BAHCC1: variants seen among roughly 807,000 people sequenced by gnomAD.
BAHCC1 encodes the protein BAH domain and coiled-coil containing 1, also known as BAH and coiled-coil domain-containing protein 1.
Under a neutral mutation model 88.2 loss-of-function variants are expected in BAHCC1, and 43 were observed. The ratio of observed to expected loss-of-function variants is 0.49; its 90% CI spans 0.38 to 0.63. The LOEUF (loss-of-function observed/expected upper bound fraction) is 0.63. Among genes scored for constraint, BAHCC1 ranks in the 20% least tolerant of loss-of-function variants. The pLI is 0.00. For missense variants in BAHCC1, 3,023 were observed against 1,654.8 expected (o/e 1.83, Z -14.34); for synonymous variants, 1,510 against 745.5 (o/e 2.03, Z -16.71).
At chr17:81,458,525 T>TCCGCGCCCTC (rs1555658108) in intron 18 of BAHCC1, 59 bp downstream of exon 18, 1 of 540,002 alleles carries the variant, frequency 1.9e-6, no homozygotes, top group African/African-American at 2.5e-5. Context: ...GGAAAGGCCT[T>TCCGCGCCCTC]CCCCGCCCTC....
Position 81,438,395 on chromosome 17 carries a change from G to C in BAHCC1, c.384G>C (p.Gly128=), listed in dbSNP as rs2064366117. ...CTCCGGGGTACCCCAGATTTTCGGG[G>C]AGTCTGGCATCCACCTTCCTACCCG... is the stretch of plus-strand genomic sequence containing the variant. ...HEAPGYPRFS[G]SLASTFLPVS... is the part of the protein sequence containing the mutation. The change falls in exon 4 of 28, where the codon GGG becomes GGC. Residue 128 remains glycine (G), a synonymous_variant. Coordinates refer to ENST00000675386, the MANE Select transcript of BAHCC1 (RefSeq NM_001377448.1). The C allele has an allele frequency of 2.6e-6, 2 of 778,752 alleles. No homozygotes were observed. The highest frequency in any genetic ancestry group is 2.4e-6 in the Non-Finnish European group (1 of 417,636). 48.2% of individuals were successfully genotyped at this position (778,752 alleles called of 1,614,324 possible).
rs782259114 is a variant in BAHCC1, at chr17:81,442,458, A to G, written c.1109A>G (p.His370Arg). The G allele has an allele frequency of 3.6e-5, 26 of 714,918 alleles. No individual in the cohort carries two copies. In the East Asian group the frequency reaches 6.6e-4, roughly 18 times the overall value. The allele number at this position is 714,918 out of a possible 1,614,324, so 44.3% of individuals were successfully genotyped here. A position where few individuals can be genotyped will look rare whatever the true frequency, so the allele number is the denominator to read the frequency against. Residue 370 changes from histidine to arginine, a missense_variant, in exon 5 of 28, where the codon CAC (histidine) becomes CGC (arginine). Physicochemically the swap from His to Arg is conservative, Grantham distance 29. Coordinates refer to ENST00000675386, the MANE Select transcript of BAHCC1 (RefSeq NM_001377448.1). ...AAGSFPCLQLHGGPDGLCPLQ... is the reference protein window; with the variant it reads ...AAGSFPCLQLRGGPDGLCPLQ... ...GGCTCCTTCCCCTGCCTGCAGCTGC[A>G]CGGGGGCCCTGACGGGCTCTGCCCG...
At chr17:81,449,642 TC>T (rs35684910) in intron 11 of BAHCC1, among the ~76,000 whole-genome samples, 1 of 151,756 alleles carries the variant, frequency 6.6e-6, no homozygotes, top group Non-Finnish European at 1.5e-5. Context: ...CAGATGTGCC[TC>T]CCCGGCTGCT....
At position 81,445,531 on chromosome 17, in the gene BAHCC1, T is replaced by A; in HGVS notation, c.3013T>A (p.Ser1005Thr). The change falls in exon 10 of 28, where the codon TCC (serine) becomes ACC (threonine). Residue 1005 changes from serine to threonine, a missense_variant. Physicochemically the swap from Ser to Thr is moderately conservative, Grantham distance 58. Coordinates refer to ENST00000675386, the MANE Select transcript of BAHCC1 (RefSeq NM_001377448.1). ...GCCCGACCCAAAGCCCCCCGCCAGC[T>A]CCCCCACCCCACCACCTCGGCCCAG... ...HPPDPKPPAS[S>T]PTPPPRPSAP... 1 of 721,956 alleles carries A rather than the reference T, an allele frequency of 1.4e-6. No individual in the cohort carries two copies. Among genetic ancestry groups the A allele is most frequent in the Non-Finnish European group, 2.6e-6 (1 of 390,650 alleles). The allele number at this position is 721,956 out of a possible 1,614,324, so 44.7% of individuals were successfully genotyped here.
intron 3 of BAHCC1, among the ~76,000 whole-genome samples, chr17:81,437,153 C>T (rs1226913210): frequency 1.3e-5 from 2 of 152,186 alleles, no homozygotes; most frequent in Non-Finnish European, 2.9e-5. Context: ...GGTGAGGGCC[C>T]CCCGCCCTGC....
At chr17:81,428,498 C>A (rs1226336009) in intron 3 of BAHCC1, among the ~76,000 whole-genome samples, 1 of 152,208 alleles carries the variant, frequency 6.6e-6, no homozygotes, top group African/African-American at 2.4e-5. Context: ...CCCCTCCTGG[C>A]AGTGGTGGCC....
At chr17:81,402,144 T>C (rs1344624087) in intron 2 of BAHCC1, 1 of 152,118 alleles carries the variant, frequency 6.6e-6, no homozygotes, top group Non-Finnish European at 1.5e-5. Flanking sequence ...GGCTGCCTCT[T>C]TCAGGGTCTG....
At chr17:81,454,781 C>G (rs1555656820) in intron 14 of BAHCC1, among the ~76,000 whole-genome samples, 1 of 152,132 alleles carries the variant, frequency 6.6e-6, no homozygotes, top group African/African-American at 2.4e-5. Context: ...TTCCAGGTGC[C>G]AAGGCTGGGG....
rs923094779 is a variant in BAHCC1, at chr17:81,444,534, C to G, written c.2478C>G (p.Arg826=). The G allele has an allele frequency of 4.3e-6, 3 of 704,708 alleles. No individual in the cohort carries two copies. The highest frequency in any genetic ancestry group is 4.0e-5 in the Admixed American group (2 of 50,552). The allele number at this position is 704,708 out of a possible 1,614,324, so 43.7% of individuals were successfully genotyped here. ...HPHPPWLPRT[R]SPSLWMGGHS... ...ATCCCCCCTGGCTGCCCCGCACCCG[C>G]AGCCCCTCCCTGTGGATGGGGGGGC... The change falls in exon 7 of 28, where the codon CGC becomes CGG. Residue 826 remains arginine, a synonymous_variant. Coordinates refer to ENST00000675386, the MANE Select transcript of BAHCC1 (RefSeq NM_001377448.1).
intron 14 of BAHCC1, among the ~76,000 whole-genome samples, chr17:81,454,747 A>G (rs2064715421): frequency 6.6e-6 from 1 of 152,016 alleles, no homozygotes; most frequent in Non-Finnish European, 1.5e-5. Context: ...AGACTCAGAC[A>G]GGCACATGTG....
intron 2 of BAHCC1, among the ~76,000 whole-genome samples, chr17:81,410,601 G>A (rs2063937704): frequency 6.6e-6 from 1 of 150,650 alleles, no homozygotes; most frequent in African/African-American, 2.4e-5. Flanking sequence ...AGGCACCACG[G>A]GTCCTGGCAC....
rs1555647853 is a variant in BAHCC1, at chr17:81,411,517, T to TGCC, written c.178+11600_178+11601insGCC. On this transcript the variant is annotated intron_variant, in intron 2 of 27. Transcript: ENST00000675386. This position sits in a 1 kb window ranked among gnomAD's most constrained non-coding sequence, Gnocchi z 6.2. Reference sequence around the variant, plus strand: ...CTGCCTGCCTGCCTGCCTGCCTGCCTTCCTTCCTTCCTTCCTTCCTTCCTT... The same window carrying TGCC: ...CTGCCTGCCTGCCTGCCTGCCTGCCTGCCTCCTTCCTTCCTTCCTTCCTTCCTT... The TGCC allele has an allele frequency of 0.19, 18,526 of 99,476 alleles. 659 individuals carry two copies. The highest frequency in any genetic ancestry group is 0.29 in the South Asian group (3,970 of 13,928). 6.2% of individuals were successfully genotyped at this position (99,476 alleles called of 1,614,324 possible).
intron 16 of BAHCC1, among the ~76,000 whole-genome samples, 167 bp downstream of exon 16, chr17:81,456,752 G>A (rs1464005057): frequency 6.6e-6 from 1 of 152,108 alleles, no homozygotes; most frequent in Non-Finnish European, 1.5e-5. Flanking sequence ...GGAAGGAGAT[G>A]AAGGTCTCAC....
chr17:81,461,117 G>C lies in BAHCC1; in HGVS notation c.6454G>C (p.Gly2152Arg), dbSNP rs200375025. Reference protein sequence around the residue: ...HSVATPIFGNGFRADSFSSLA... With the variant: ...HSVATPIFGNRFRADSFSSLA... Reference sequence around the variant, plus strand: ...CGTGGCCACACCCATATTTGGCAACGGCTTCCGCGCCGACTCCTTCAGCAG... The same window carrying C: ...CGTGGCCACACCCATATTTGGCAACCGCTTCCGCGCCGACTCCTTCAGCAG... The change falls in exon 26 of 28, where the codon GGC (glycine) becomes CGC (arginine). Residue 2152 changes from glycine to arginine, a missense_variant. Coordinates refer to ENST00000675386, the MANE Select transcript of BAHCC1 (RefSeq NM_001377448.1). 1.7e-4 allele frequency: 132 copies of C among 765,184 alleles called. 3 individuals carry two copies. The Middle Eastern group carries it at 3.2e-3, about 18-fold the overall frequency. 47.4% of individuals were successfully genotyped at this position (765,184 alleles called of 1,614,324 possible). A position where few individuals can be genotyped will look rare whatever the true frequency, so the allele number is the denominator to read the frequency against.
intron 2 of BAHCC1, chr17:81,402,116 G>T (rs1196250131): frequency 1.3e-5 from 2 of 152,272 alleles, no homozygotes; most frequent in Non-Finnish European, 2.9e-5. Flanking sequence ...GCTCTAGAGG[G>T]CGCTGGAGGC....
At chr17:81,441,517 C>G (rs970458767) in intron 4 of BAHCC1, among the ~76,000 whole-genome samples, 4 of 151,976 alleles carry the variant, frequency 2.6e-5, no homozygotes, top group African/African-American at 7.3e-5. Context: ...AAAAAGTTAG[C>G]TGGGCCTGGT....
chr17:81,462,848 C>T lies in BAHCC1; in HGVS notation c.7492C>T (p.Pro2498Ser). The T allele has an allele frequency of 1.3e-6, 1 of 781,732 alleles. No individual in the cohort carries two copies. The allele number at this position is 781,732 out of a possible 1,614,324, so 48.4% of individuals were successfully genotyped here. A position where few individuals can be genotyped will look rare whatever the true frequency, so the allele number is the denominator to read the frequency against. The change falls in exon 27 of 28, where the codon CCC becomes TCC. Residue 2498 changes from proline to serine, a missense_variant. Physicochemically the swap from Pro to Ser is moderately conservative, Grantham distance 74 (BLOSUM62 -1). Coordinates refer to ENST00000675386, the MANE Select transcript of BAHCC1 (RefSeq NM_001377448.1). Reference protein sequence around the residue: ...DCAVFLSAGRPNLPYIGRIES... With the variant: ...DCAVFLSAGRSNLPYIGRIES... ...TGCCGTCTTCCTGTCAGCTGGGCGG[C>T]CCAACCTCCCCTACATCGGCCGCAT...
At chr17:81,415,014 C>T (rs1018391862) in intron 2 of BAHCC1, among the ~76,000 whole-genome samples, 12 of 152,234 alleles carry the variant, frequency 7.9e-5, no homozygotes, top group African/African-American at 9.6e-5. Context: ...CGCCAGCAGC[C>T]GTGCACTCTG....
chr17:81,419,484 G>C (rs1312344437), intron 2 of BAHCC1, among the ~76,000 whole-genome samples: 2 of 152,246 alleles, frequency 1.3e-5, no homozygotes, highest in African/African-American at 2.4e-5. Context: ...AGCCTGGCTC[G>C]TGGGAAGTGT....
Sources: gnomAD v4.1 joint callset for allele counts (sites outside exome capture counted in the v4.1 genomes callset) on GRCh38, gnomAD v4.1.1 for gene constraint, Gnocchi (gnomAD v3.1) non-coding constraint, MANE v1.5 for transcripts, NCBI Gene and HGNC (gene_info 2026-07-23, HGNC 2026-07-21) for gene names.